The following ANKRD17 variants were observed in gnomAD, a reference collection of about 807,000 sequenced individuals.
ANKRD17 encodes ankyrin repeat domain 17, also known as ankyrin repeat domain-containing protein 17.
In ANKRD17, 19 loss-of-function variants were observed where a neutral mutation model predicts 229.7. That is an observed-to-expected ratio of 0.08 (90% confidence interval 0.06 to 0.12). The LOEUF is 0.12. Ranked by LOEUF, ANKRD17 falls within the 10% of genes least tolerant of loss-of-function variation. The pLI, the probability that ANKRD17 is intolerant of heterozygous loss-of-function variation, is 1.00. For missense variants in ANKRD17, 2,176 were observed against 3,176.8 expected (o/e 0.68, Z 7.57); for synonymous variants, 1,112 against 1,146.1 (o/e 0.97, Z 0.60).
chr4:73,130,563 A>G (rs1395383798), intron 16 of ANKRD17, among the ~76,000 whole-genome samples: 1 of 151,974 alleles, frequency 6.6e-6, no homozygotes, highest in Non-Finnish European at 1.5e-5. Context: ...TAATGAATAT[A>G]TGTTAATTAT....
intron 6 of ANKRD17, among the ~76,000 whole-genome samples, chr4:73,153,182 A>C (rs1384076937): frequency 6.6e-6 from 1 of 152,162 alleles, no homozygotes; most frequent in African/African-American, 2.4e-5. Context: ...TAGGTTTTGC[A>C]AAAGCTTTTT....
intron 24 of ANKRD17, among the ~76,000 whole-genome samples, chr4:73,108,223 G>T (rs1202364221): frequency 6.6e-6 from 1 of 152,288 alleles, no homozygotes; most frequent in East Asian, 1.9e-4. Flanking sequence ...AGCAATAAGA[G>T]TTGTGGGTTT....
intron 1 of ANKRD17, among the ~76,000 whole-genome samples, chr4:73,237,696 G>C (rs1743631065): frequency 6.6e-6 from 1 of 152,294 alleles, no homozygotes; most frequent in East Asian, 1.9e-4. Context: ...TATCTGCTAA[G>C]CCTATAGCAG....
intron 1 of ANKRD17, among the ~76,000 whole-genome samples, chr4:73,221,561 T>C (rs893280346): frequency 6.6e-6 from 1 of 152,168 alleles, no homozygotes; most frequent in Admixed American, 6.5e-5. Context: ...ACACTAGAAC[T>C]CTGTAATCTA....
chr4:73,108,935 G>T (rs193283774), intron 24 of ANKRD17, among the ~76,000 whole-genome samples: 124 of 152,288 alleles, frequency 8.1e-4, no homozygotes, highest in African/African-American at 2.7e-3. Context: ...AAAAGGAATT[G>T]CTACGGACAG....
In ANKRD17 at chr4:73,189,846, A is replaced by C. The variant is rs544135322; in HGVS notation, c.394-12313T>G. Among the ~76,000 whole-genome samples the C allele has an allele frequency of 1.9e-4, 29 of 152,314 alleles. 1 individual carries two copies. Among genetic ancestry groups the C allele is most frequent in the Admixed American group, 1.9e-3 (29 of 15,306 alleles). ...AAATGAACCTTTCAGACTTAGTGCT[A>C]ACACCAGTGTGTGACATAGTTCCTG... On this transcript the variant is annotated intron_variant, in intron 1 of 33. Transcript: ENST00000358602.
At chr4:73,200,846 T>C (rs1435085705) in intron 1 of ANKRD17, among the ~76,000 whole-genome samples, 1 of 152,022 alleles carries the variant, frequency 6.6e-6, no homozygotes, top group Non-Finnish European at 1.5e-5. Context: ...TTGTAATCAG[T>C]CATTTCCCTC....
chr4:73,194,203 T>C (rs1193316424), intron 1 of ANKRD17, among the ~76,000 whole-genome samples: 1 of 152,224 alleles, frequency 6.6e-6, no homozygotes, highest in Non-Finnish European at 1.5e-5. Context: ...AGTCACAGAT[T>C]TTCTATGTTC....
intron 2 of ANKRD17, among the ~76,000 whole-genome samples, chr4:73,168,159 A>T (rs2148947827): frequency 6.6e-6 from 1 of 152,142 alleles, no homozygotes; most frequent in East Asian, 1.9e-4. Flanking sequence ...TCAAAAAAAA[A>T]TTAAAAAAAA....
At chr4:73,149,606 C>T (rs1228128633) in intron 7 of ANKRD17, among the ~76,000 whole-genome samples, 2 of 152,250 alleles carry the variant, frequency 1.3e-5, no homozygotes, top group East Asian at 3.9e-4. Context: ...GTGGCTCACG[C>T]CTGTAATCTC....
At chr4:73,155,605 A>T (rs1451872593) in intron 5 of ANKRD17, 26 bp downstream of exon 5, 1 of 1,612,196 alleles carries the variant, frequency 6.2e-7, no homozygotes. Context: ...ACTATGTAGT[A>T]AAACTGAAAA....
intron 1 of ANKRD17, among the ~76,000 whole-genome samples, chr4:73,257,509 TA>T (rs768403342): frequency 2.0e-5 from 3 of 152,208 alleles, no homozygotes; most frequent in Non-Finnish European, 2.9e-5. Flanking sequence ...AGCTTAATTC[TA>T]ACTCACTAAG....
At chr4:73,208,199 A>AC (rs1304036993) in intron 1 of ANKRD17, among the ~76,000 whole-genome samples, 2 of 151,372 alleles carry the variant, frequency 1.3e-5, no homozygotes, top group Non-Finnish European at 2.9e-5. Context: ...AAAAAAAAAA[A>AC]AAAAAAAAAA....
At position 73,090,966 on chromosome 4, in the gene ANKRD17, G is replaced by C. The variant is rs1048448249; in HGVS notation, c.6662C>G (p.Pro2221Arg). The C allele has an allele frequency of 1.9e-6, 3 of 1,614,104 alleles. No individual in the cohort carries two copies. In the African/African-American group the frequency reaches 4.0e-5, roughly 22 times the overall value. ...AGCACTTTGTGTACTTAAGGTCGAA[G>C]GTAGCTGGACAGAAGAGGGAACACT... The part of the protein sequence containing the change: ...PHSVPSSVQL[P>R]STLSTQSACQ... The change falls in exon 29 of 34, where the codon CCT (proline) becomes CGT (arginine). Residue 2221 changes from proline (P) to arginine (R), a missense_variant. Around this residue, in one of 18 missense-constraint regions of ANKRD17, gnomAD observed 424 missense variants for 454.0 expected, o/e 0.93. Transcript: ENST00000358602.
intron 4 of ANKRD17, 52 bp from the exon 5 acceptor site, chr4:73,155,830 AT>A (rs1731589854): frequency 6.3e-7 from 1 of 1,591,402 alleles, no homozygotes; most frequent in African/African-American, 1.4e-5. Flanking sequence ...TCGTCAAAAA[AT>A]TTTGAACACG....
intron 2 of ANKRD17, 91 bp downstream of exon 2, chr4:73,177,289 C>A: frequency 1.7e-6 from 2 of 1,205,528 alleles, no homozygotes; most frequent in African/African-American, 1.5e-5. Flanking sequence ...TTCTAAATAC[C>A]CAATATCATT....
chr4:73,256,945 C>A (rs926023515), intron 1 of ANKRD17, among the ~76,000 whole-genome samples: 1 of 152,232 alleles, frequency 6.6e-6, no homozygotes, highest in African/African-American at 2.4e-5. Context: ...AGAATCTGGT[C>A]TTCTACAAAT....
intron 1 of ANKRD17, among the ~76,000 whole-genome samples, chr4:73,220,149 C>T (rs1403213858): frequency 6.6e-6 from 1 of 152,112 alleles, no homozygotes; most frequent in African/African-American, 2.4e-5. Context: ...TATTGTTACA[C>T]ATAATTTTAC....
intron 1 of ANKRD17, among the ~76,000 whole-genome samples, chr4:73,225,879 A>AAAAAAAAAGAAAGAAAAG (rs1742422710): frequency 6.7e-6 from 1 of 149,050 alleles, no homozygotes; most frequent in Non-Finnish European, 1.5e-5. Context: ...AAAAAAAAAA[A>AAAAAAAAAGAAAGAAAAG]AAAAAAGAAA....
Sources: gnomAD v4.1 joint callset for allele counts (sites outside exome capture counted in the v4.1 genomes callset) on GRCh38, gnomAD v4.1.1 for gene constraint, gnomAD v4.1.1 regional missense constraint, MANE v1.5 for transcripts, NCBI Gene and HGNC (gene_info 2026-07-23, HGNC 2026-07-21) for gene names.